NHERF4: variants seen among roughly 807,000 people sequenced by gnomAD.
The protein encoded by NHERF4 is Na(+)/H(+) exchange regulatory cofactor NHE-RF4.
At chr11:119,187,733 A>G in the NHERF4 span, 1 of 1,476,778 alleles carries the variant, frequency 6.8e-7, no homozygotes, top group Non-Finnish European at 9.0e-7. Flanking sequence ...CTCCTCCCCC[A>G]ATCCGGGCCT....
chr11:119,188,501 T>C, the NHERF4 span: 3 of 1,607,092 alleles, frequency 1.9e-6, no homozygotes, highest in African/African-American at 2.7e-5. Context: ...GCAGGGCTCC[T>C]GTGTCTCCCT....
chr11:119,186,041 G>C, the NHERF4 span: 1 of 1,610,770 alleles, frequency 6.2e-7, no homozygotes, highest in Non-Finnish European at 8.5e-7. The surrounding 1 kb of genome is among the most constrained non-coding windows in gnomAD (Gnocchi z 4.4). Context: ...GGAGATCCTG[G>C]GACCCAAGTC....
chr11:119,188,796 C>T, the NHERF4 span: 1 of 1,614,188 alleles, frequency 6.2e-7, no homozygotes, highest in East Asian at 2.2e-5. Context: ...CTTCCTGTAC[C>T]CTGGGCCTGG....
chr11:119,186,354 A>G, the NHERF4 span: 1 of 1,554,580 alleles, frequency 6.4e-7, no homozygotes, highest in South Asian at 1.1e-5. The surrounding 1 kb of genome is among the most constrained non-coding windows in gnomAD (Gnocchi z 4.4). Flanking sequence ...CCACCACCCA[A>G]CACCCAACCA....
At chr11:119,187,831 C>T in the NHERF4 span, 1 of 1,462,012 alleles carries the variant, frequency 6.8e-7, no homozygotes, top group Non-Finnish European at 9.0e-7. Flanking sequence ...TCCCCCTCTA[C>T]AGTTTGTGCC....
At chr11:119,187,995 A>G in the NHERF4 span, 1 of 1,573,072 alleles carries the variant, frequency 6.4e-7, no homozygotes. Flanking sequence ...GAGGTGGAAG[A>G]ACAGTGTCGC....
chr11:119,187,819 C>A, the NHERF4 span: 8 of 1,459,610 alleles, frequency 5.5e-6, no homozygotes, highest in Non-Finnish European at 7.2e-6. Context: ...TTATCACCAT[C>A]CTCCCCCTCT....
chr11:119,186,605 C>G, the NHERF4 span: 1 of 1,614,064 alleles, frequency 6.2e-7, no homozygotes, highest in Non-Finnish European at 8.5e-7. This position sits in a 1 kb window ranked among gnomAD's most constrained non-coding sequence, Gnocchi z 4.4. Flanking sequence ...GACCCAGGCA[C>G]CTCTGCCCAG....
the NHERF4 span, chr11:119,188,176 G>A: frequency 6.6e-7 from 1 of 1,517,566 alleles, no homozygotes; most frequent in Non-Finnish European, 8.9e-7. Flanking sequence ...GGTGGGGGAA[G>A]GTGGGCCTTG....
At chr11:119,188,382 G>A in the NHERF4 span, 1 of 1,614,020 alleles carries the variant, frequency 6.2e-7, no homozygotes, top group Admixed American at 1.7e-5. Context: ...GTGGACCCGG[G>A]ACTGCCAGCC....
At chr11:119,188,226 G>A in the NHERF4 span, 57 of 1,548,926 alleles carry the variant, frequency 3.7e-5, no homozygotes, top group South Asian at 6.1e-4. Flanking sequence ...TCAGTGCACC[G>A]AAGAGGTGTC....
At chr11:119,185,737 G>A in the NHERF4 span, 1 of 837,728 alleles carries the variant, frequency 1.2e-6, no homozygotes, top group Admixed American at 2.0e-5. Flanking sequence ...GGAGAGAAAG[G>A]GAGGGGACCG....
At chr11:119,188,899 T>C in the NHERF4 span, 7 of 1,611,440 alleles carry the variant, frequency 4.3e-6, no homozygotes, top group African/African-American at 2.7e-5. Flanking sequence ...TTGAATCCCT[T>C]CGATCCTTTG....
At chr11:119,185,900 T>C in the NHERF4 span, 9 of 1,613,984 alleles carry the variant, frequency 5.6e-6, no homozygotes, top group Non-Finnish European at 7.6e-6. Context: ...ACTCTCCTCC[T>C]CTCACCCACT....
the NHERF4 span, chr11:119,185,766 A>G: frequency 1.1e-6 from 1 of 948,088 alleles, no homozygotes; most frequent in Non-Finnish European, 1.7e-6. Flanking sequence ...TCCTGTGTGT[A>G]TGGCAGTGAG....
the NHERF4 span, chr11:119,185,750 C>T: frequency 1.1e-6 from 1 of 887,738 alleles, no homozygotes; most frequent in Non-Finnish European, 1.8e-6. Flanking sequence ...GGGGACCGCA[C>T]AATAGTCCTG....
the NHERF4 span, chr11:119,186,098 TAAG>T: frequency 6.2e-7 from 1 of 1,611,770 alleles, no homozygotes. The surrounding 1 kb of genome is among the most constrained non-coding windows in gnomAD (Gnocchi z 4.4). Context: ...GCAGGAAGTT[TAAG>T]TTTAACCCAA....
At chr11:119,188,658 CTCT>C in the NHERF4 span, 4 of 1,614,040 alleles carry the variant, frequency 2.5e-6, no homozygotes, top group Non-Finnish European at 3.4e-6. Flanking sequence ...GTCCCCACTC[CTCT>C]TCTTGGAGAA....
At chr11:119,187,501 C>T in the NHERF4 span, 1 of 1,613,166 alleles carries the variant, frequency 6.2e-7, no homozygotes, top group Non-Finnish European at 8.5e-7. Flanking sequence ...GATGAGGGAT[C>T]TCAGCCCCTG....
Sources: allele counts gnomAD v4.1 joint callset, GRCh38; gene constraint gnomAD v4.1.1; non-coding constraint Gnocchi (gnomAD v3.1); transcripts MANE v1.5; gene names NCBI Gene and HGNC (gene_info 2026-07-23, HGNC 2026-07-21).